CSNK1G1: variants seen among roughly 807,000 people sequenced by gnomAD.
CSNK1G1 encodes casein kinase I isoform gamma-1.
Under a neutral mutation model 59.6 loss-of-function variants are expected in CSNK1G1, and 22 were observed. That is an observed-to-expected ratio of 0.37 (90% CI 0.26 to 0.53). The LOEUF (loss-of-function observed/expected upper bound fraction) is 0.53, where lower values mean the gene tolerates loss of function less well. Ranked by LOEUF, CSNK1G1 falls within the 20% of genes least tolerant of loss-of-function variation. The pLI is 0.89. For synonymous variants in CSNK1G1, 179 were observed against 177.1 expected (o/e 1.01, Z -0.08); for missense variants, 384 against 519.5 (o/e 0.74, Z 2.54).
intron 4 of CSNK1G1, among the ~76,000 whole-genome samples, chr15:64,246,553 T>C (rs1286130970): frequency 6.8e-6 from 1 of 146,704 alleles, no homozygotes; most frequent in African/African-American, 2.5e-5. Context: ...AGCCAAAGAA[T>C]TTGAGGCTGC....
chr15:64,218,182 C>T (rs1229344408), intron 4 of CSNK1G1, among the ~76,000 whole-genome samples: 1 of 152,114 alleles, frequency 6.6e-6, no homozygotes, highest in African/African-American at 2.4e-5. Context: ...AACTCCCAAG[C>T]TCAAGCAATC....
intron 2 of CSNK1G1, among the ~76,000 whole-genome samples, chr15:64,290,839 G>A (rs1415189403): frequency 6.6e-6 from 1 of 152,026 alleles, no homozygotes; most frequent in African/African-American, 2.4e-5. Flanking sequence ...TCAGCCTCCC[G>A]AGTAGCTGGG....
chr15:64,236,422 A>G (rs1167349181), intron 4 of CSNK1G1, among the ~76,000 whole-genome samples: 1 of 152,214 alleles, frequency 6.6e-6, no homozygotes, highest in African/African-American at 2.4e-5. Flanking sequence ...AATAACCAGA[A>G]TATACAAGGA....
intron 10 of CSNK1G1, among the ~76,000 whole-genome samples, chr15:64,189,920 G>C (rs926337377): frequency 6.7e-6 from 1 of 149,194 alleles, no homozygotes; most frequent in African/African-American, 2.5e-5. Context: ...CCAGGTTCAC[G>C]CCACTCTTCT....
chr15:64,251,017 A>G (rs970004653), intron 4 of CSNK1G1, among the ~76,000 whole-genome samples: 6 of 152,196 alleles, frequency 3.9e-5, no homozygotes, highest in African/African-American at 1.4e-4. Flanking sequence ...AATTTTTAAA[A>G]ATTGCCGAAG....
chr15:64,254,893 C>T (rs1306885240), intron 3 of CSNK1G1, among the ~76,000 whole-genome samples: 1 of 152,078 alleles, frequency 6.6e-6, no homozygotes, highest in Admixed American at 6.5e-5. Flanking sequence ...AAGCTTTTCC[C>T]ATGTGTATTC....
At chr15:64,222,834 CTTTGT>C (rs2082408780) in intron 4 of CSNK1G1, among the ~76,000 whole-genome samples, 1 of 152,064 alleles carries the variant, frequency 6.6e-6, no homozygotes, top group Non-Finnish European at 1.5e-5. Context: ...AAGGGTTTTG[CTTTGT>C]TTTATGATTA....
In CSNK1G1 at chr15:64,179,940, C is replaced by A. The variant is rs183456905; in HGVS notation, c.1214+408G>T. ...ACAAAATGGCCCTGAACTCCTTGTTCCATGATTGTACATCCAGTTGCTAGC... is the reference window on the plus strand; with the variant it reads ...ACAAAATGGCCCTGAACTCCTTGTTACATGATTGTACATCCAGTTGCTAGC... On this transcript the variant is annotated intron_variant, in intron 11 of 11. Coordinates refer to ENST00000303052, the MANE Select transcript of CSNK1G1 (RefSeq NM_022048.5). 5.3e-5 allele frequency: 9 copies of A among 169,136 alleles called. No homozygotes were observed. In the East Asian group the frequency reaches 1.3e-3, roughly 25 times the overall value. 10.5% of individuals were successfully genotyped at this position (169,136 alleles called of 1,614,324 possible).
At chr15:64,178,793 T>C (rs935682799) in intron 11 of CSNK1G1, among the ~76,000 whole-genome samples, 2 of 151,646 alleles carry the variant, frequency 1.3e-5, no homozygotes, top group African/African-American at 4.9e-5. Context: ...AACTTTTGTG[T>C]GTGTGTGTGT....
At position 64,201,367 on chromosome 15, in the gene CSNK1G1, GT is replaced by G. The variant is rs2082105137; in HGVS notation, c.1107+1714del. On this transcript the variant is annotated intron_variant, in intron 10 of 11. Transcript: ENST00000303052. ...TCGTAAAATCAACAGCAATATGTCA[GT>G]TTAACTGTGCCCTCACCTGCACTAG... Among the ~76,000 whole-genome samples, 3 of 151,992 alleles carry G rather than the reference GT, an allele frequency of 2.0e-5. No individual in the cohort carries two copies. The South Asian group carries it at 6.2e-4, about 32-fold the overall frequency.
chr15:64,304,383 C>CAAA (rs3057017), intron 1 of CSNK1G1, among the ~76,000 whole-genome samples: 33 of 70,716 alleles, frequency 4.7e-4, no homozygotes, highest in African/African-American at 1.7e-3. Flanking sequence ...AACTCCACCT[C>CAAA]AAAAAAAAAA....
intron 1 of CSNK1G1, among the ~76,000 whole-genome samples, chr15:64,304,555 CTT>C (rs1895562335): frequency 6.6e-6 from 1 of 152,216 alleles, no homozygotes; most frequent in African/African-American, 2.4e-5. Flanking sequence ...ATTACAAACT[CTT>C]TGGCTTATCA....
rs957810716 is a variant in CSNK1G1, at chr15:64,210,137, A to T, written c.680-2543T>A. On this transcript the variant is annotated intron_variant, in intron 6 of 11. Transcript: ENST00000303052. The surrounding 1 kb of genome is among the most constrained non-coding windows in gnomAD (Gnocchi z 4.2). Reference sequence around the variant, plus strand: ...AGGGTACCTAAATAAGGTACCCAAAATAAGGGTACCTAAATCAGCTCAACG... The same window carrying T: ...AGGGTACCTAAATAAGGTACCCAAATTAAGGGTACCTAAATCAGCTCAACG... Among the ~76,000 whole-genome samples the T allele has an allele frequency of 1.4e-4, 22 of 152,164 alleles. No individual in the cohort carries two copies. Among genetic ancestry groups the T allele is most frequent in the African/African-American group, 3.4e-4 (14 of 41,424 alleles).
At chr15:64,182,704 A>AACAC (rs138815917) in intron 10 of CSNK1G1, among the ~76,000 whole-genome samples, 1 of 152,120 alleles carries the variant, frequency 6.6e-6, no homozygotes, top group Non-Finnish European at 1.5e-5. Context: ...TTAGCAAGCA[A>AACAC]ACACACACAC....
chr15:64,268,068 A>G (rs1893079451), intron 2 of CSNK1G1, among the ~76,000 whole-genome samples: 4 of 152,226 alleles, frequency 2.6e-5, no homozygotes, highest in Admixed American at 2.6e-4. Context: ...TATTGACAAT[A>G]GCCAAGATAT....
chr15:64,352,447 C>CTTTTTTTTTTTTTTTTTTTTTT (rs1165768581), intron 1 of CSNK1G1, among the ~76,000 whole-genome samples: 7 of 89,412 alleles, frequency 7.8e-5, no homozygotes, highest in African/African-American at 2.6e-4. Flanking sequence ...TTGAATTCTT[C>CTTTTTTTTTTTTTTTTTTTTTT]TTTTTTTTTT....
At chr15:64,242,301 C>G (rs1891512928) in intron 4 of CSNK1G1, among the ~76,000 whole-genome samples, 1 of 152,174 alleles carries the variant, frequency 6.6e-6, no homozygotes, top group African/African-American at 2.4e-5. Flanking sequence ...ATCTCCAATG[C>G]TGGAGGTGGG....
At chr15:64,349,137 C>CA (rs1258780843) in intron 1 of CSNK1G1, among the ~76,000 whole-genome samples, 789 of 54,464 alleles carry the variant, frequency 0.014, 5 homozygotes, top group African/African-American at 0.027. Context: ...AACTCCACCT[C>CA]AAAAAAAAAA....
intron 7 of CSNK1G1, among the ~76,000 whole-genome samples, chr15:64,206,533 G>C (rs1480979259): frequency 7.5e-6 from 1 of 133,138 alleles, no homozygotes; most frequent in South Asian, 2.5e-4. Context: ...CTGGAACCTG[G>C]GAGGTGGAGG....
Sources: allele counts gnomAD v4.1 joint callset (sites outside exome capture counted in the v4.1 genomes callset), GRCh38; gene constraint gnomAD v4.1.1; non-coding constraint Gnocchi (gnomAD v3.1); transcripts MANE v1.5; gene names NCBI Gene and HGNC (gene_info 2026-07-23, HGNC 2026-07-21).